Variants in DNAJC15 observed in about 807,000 individuals in gnomAD.
The protein encoded by DNAJC15 is dnaJ homolog subfamily C member 15.
Under a neutral mutation model 22.4 loss-of-function variants are expected in DNAJC15, and 27 were observed. The observed-to-expected ratio is 1.20, with a 90% confidence interval of 0.89 to 1.66. The LOEUF (loss-of-function observed/expected upper bound fraction) is 1.66. Ranked by LOEUF, DNAJC15 falls within the 40% of genes most tolerant of loss-of-function variation. DNAJC15 has a pLI of 0.00. For synonymous variants in DNAJC15, 79 were observed against 63.2 expected (o/e 1.25, Z -1.19); for missense variants, 208 against 187.1 (o/e 1.11, Z -0.65).
chr13:43,029,076 G>A (rs553754583), intron 1 of DNAJC15, among the ~76,000 whole-genome samples: 51 of 152,226 alleles, frequency 3.4e-4, no homozygotes, highest in African/African-American at 1.0e-3. Flanking sequence ...AAATAAACAT[G>A]GATATTTGAT....
At chr13:43,054,136 T>C (rs913503396) in intron 1 of DNAJC15, among the ~76,000 whole-genome samples, 14 of 152,206 alleles carry the variant, frequency 9.2e-5, no homozygotes, top group African/African-American at 3.1e-4. Flanking sequence ...TTTTGTCAAA[T>C]GCTTTTTCTG....
intron 1 of DNAJC15, among the ~76,000 whole-genome samples, chr13:43,059,883 CA>C (rs2040550343): frequency 6.6e-6 from 1 of 152,148 alleles, no homozygotes. Flanking sequence ...GTGCATTCTG[CA>C]GGGTGGGGAG....
intron 4 of DNAJC15, among the ~76,000 whole-genome samples, chr13:43,084,734 T>C (rs559636845): frequency 2.6e-5 from 4 of 152,362 alleles, no homozygotes; most frequent in African/African-American, 9.6e-5. Context: ...ACTGGATACA[T>C]TGGGTTTTAC....
chr13:43,069,235 C>G (rs17064125), intron 3 of DNAJC15, among the ~76,000 whole-genome samples: 2,051 of 152,178 alleles, frequency 0.013, 45 homozygotes, highest in African/African-American at 0.044. Context: ...TTATTATAAT[C>G]TGTTTAGTAG....
intron 1 of DNAJC15, among the ~76,000 whole-genome samples, chr13:43,056,162 T>C (rs887039117): frequency 1.8e-4 from 28 of 151,956 alleles, no homozygotes; most frequent in African/African-American, 6.3e-4. Flanking sequence ...AATTTTTTTT[T>C]TTTTTTTAGA....
intron 1 of DNAJC15, among the ~76,000 whole-genome samples, chr13:43,028,205 A>G (rs2040389163): frequency 6.6e-6 from 1 of 152,220 alleles, no homozygotes; most frequent in African/African-American, 2.4e-5. Context: ...TGAGTACCAT[A>G]CACAAAAATA....
In DNAJC15 at chr13:43,041,371, G is replaced by C. The variant is rs1223425472; in HGVS notation, c.108+17637G>C. On this transcript the variant is annotated intron_variant, in intron 1 of 5. Coordinates refer to ENST00000379221, the MANE Select transcript of DNAJC15 (RefSeq NM_013238.3). ...ACAGCACATGTTTCAGGGAGCACAGGGTTGGGGGTAAGGTTACAGATTAAC... is the reference window on the plus strand; with the variant it reads ...ACAGCACATGTTTCAGGGAGCACAGCGTTGGGGGTAAGGTTACAGATTAAC... Among the ~76,000 whole-genome samples the C allele has an allele frequency of 5.3e-5, 8 of 152,208 alleles. No individual in the cohort carries two copies. The South Asian group carries it at 1.7e-3, about 31-fold the overall frequency.
chr13:43,054,254 C>G (rs560657234), intron 1 of DNAJC15, among the ~76,000 whole-genome samples: 2 of 152,250 alleles, frequency 1.3e-5, no homozygotes, highest in Non-Finnish European at 2.9e-5. Flanking sequence ...ATGAAACCCT[C>G]TTGATCATAG....
At chr13:43,102,534 G>T (rs868100807) in intron 5 of DNAJC15, among the ~76,000 whole-genome samples, 3 of 152,134 alleles carry the variant, frequency 2.0e-5, no homozygotes, top group Admixed American at 6.5e-5. Context: ...CCAGCACTTT[G>T]GGGGGAGGAG....
intron 1 of DNAJC15, among the ~76,000 whole-genome samples, chr13:43,064,321 A>G (rs1209227909): frequency 6.6e-6 from 1 of 152,150 alleles, no homozygotes; most frequent in East Asian, 1.9e-4. Context: ...TGGGACTTTG[A>G]TTTCCTATGA....
intron 1 of DNAJC15, among the ~76,000 whole-genome samples, chr13:43,051,054 A>G (rs1312856463): frequency 1.3e-5 from 2 of 152,184 alleles, no homozygotes; most frequent in East Asian, 3.8e-4. Context: ...AGCTCACTGC[A>G]ACCTCCGCCT....
chr13:43,083,176 GT>G (rs559805021), intron 4 of DNAJC15, among the ~76,000 whole-genome samples: 6 of 149,748 alleles, frequency 4.0e-5, no homozygotes, highest in Non-Finnish European at 5.9e-5. Context: ...TCTTTTTTTT[GT>G]TTTTTTTTGA....
chr13:43,023,831 C>A (rs1489291008), intron 1 of DNAJC15, 97 bp downstream of exon 1: 3 of 1,151,142 alleles, frequency 2.6e-6, no homozygotes, highest in African/African-American at 1.5e-5. Context: ...TGTACTCCCC[C>A]GCATTCGCTC....
intron 1 of DNAJC15, among the ~76,000 whole-genome samples, chr13:43,061,536 A>AT (rs1227694493): frequency 6.6e-6 from 1 of 152,212 alleles, no homozygotes; most frequent in East Asian, 1.9e-4. Context: ...GGCATTGATG[A>AT]TGGAGGACCC....
At chr13:43,078,544 G>A (rs2040646323) in intron 3 of DNAJC15, 68 bp from the exon 4 acceptor site, 11 of 1,271,892 alleles carry the variant, frequency 8.6e-6, no homozygotes, top group Non-Finnish European at 1.1e-5. Flanking sequence ...GCAGCTACAT[G>A]ATGAGATTGA....
At chr13:43,073,649 G>A (rs555152989) in intron 3 of DNAJC15, among the ~76,000 whole-genome samples, 1 of 151,990 alleles carries the variant, frequency 6.6e-6, no homozygotes, top group Non-Finnish European at 1.5e-5. Flanking sequence ...TCTGATGTTT[G>A]AAGCTGCTGG....
chr13:43,047,955 T>C (rs187017489), intron 1 of DNAJC15, among the ~76,000 whole-genome samples: 48 of 152,284 alleles, frequency 3.2e-4, no homozygotes, highest in Admixed American at 2.7e-3. Flanking sequence ...GATTTTTCTT[T>C]AGCTAGACCT....
At chr13:43,046,463 T>TGACC (rs2040477580) in intron 1 of DNAJC15, among the ~76,000 whole-genome samples, 1 of 152,016 alleles carries the variant, frequency 6.6e-6, no homozygotes, top group Admixed American at 6.5e-5. Flanking sequence ...CTGGGGAAGG[T>TGACC]GACCGCACCT....
At chr13:43,071,974 T>C (rs143609105) in intron 3 of DNAJC15, among the ~76,000 whole-genome samples, 1 of 152,358 alleles carries the variant, frequency 6.6e-6, no homozygotes, top group East Asian at 1.9e-4. Flanking sequence ...AATTATCAGC[T>C]GCTAGCTCCT....
Sources: allele counts gnomAD v4.1 joint callset (sites outside exome capture counted in the v4.1 genomes callset), GRCh38; gene constraint gnomAD v4.1.1; transcripts MANE v1.5; gene names NCBI Gene and HGNC (gene_info 2026-07-23, HGNC 2026-07-21).